PGM5: variants seen among roughly 807,000 people sequenced by gnomAD.
PGM5 encodes phosphoglucomutase-like protein 5.
In PGM5, 23 loss-of-function variants were observed where a neutral mutation model predicts 59.2. That is an observed-to-expected ratio of 0.39 (90% CI 0.28 to 0.55). The LOEUF is 0.55. Among genes scored for constraint, PGM5 ranks in the 20% least tolerant of loss-of-function variants. The probability of loss-of-function intolerance (pLI) is 0.66; values close to 1 mark genes in which losing one functional copy is unlikely to be tolerated. For missense variants in PGM5, 574 were observed against 748.3 expected (o/e 0.77, Z 2.72); for synonymous variants, 214 against 286.0 (o/e 0.75, Z 2.54).
At chr9:68,502,155 C>T (rs1299521081) in intron 10 of PGM5, among the ~76,000 whole-genome samples, 3 of 152,202 alleles carry the variant, frequency 2.0e-5, no homozygotes, top group African/African-American at 7.2e-5. Flanking sequence ...CAGGTTCTTG[C>T]CCTGATCCCA....
At position 68,378,294 on chromosome 9, in the gene PGM5, A is replaced by G; in HGVS notation, c.357A>G (p.Leu119=). ...TCAAGGCAGCTGGTGGAATCATTCT[A>G]ACAGCCAGCCACTGCCCTGGAGGAC... ...RKIKAAGGII[L]TASHCPGGPG... Residue 119 remains leucine, a synonymous_variant, in exon 2 of 11, where the codon CTA becomes CTG. Transcript: ENST00000396396. 1 of 1,598,338 alleles carries G rather than the reference A, an allele frequency of 6.3e-7. No individual in the cohort carries two copies. Among genetic ancestry groups the G allele is most frequent in the Non-Finnish European group, 8.5e-7 (1 of 1,173,676 alleles).
chr9:68,378,022 C>G (rs1323822247), intron 1 of PGM5, among the ~76,000 whole-genome samples, 177 bp from the exon 2 acceptor site: 1 of 151,854 alleles, frequency 6.6e-6, no homozygotes, highest in Non-Finnish European at 1.5e-5. Context: ...GTCTTAGAGA[C>G]ATTAGATAGG....
chr9:68,448,525 T>G (rs2132068270), intron 6 of PGM5, among the ~76,000 whole-genome samples: 1 of 152,344 alleles, frequency 6.6e-6, no homozygotes, highest in African/African-American at 2.4e-5. Context: ...GTTCTCAAAC[T>G]CTTTTTCTGT....
intron 9 of PGM5, among the ~76,000 whole-genome samples, chr9:68,496,158 T>A (rs1824479399): frequency 6.6e-6 from 1 of 152,230 alleles, no homozygotes; most frequent in South Asian, 2.1e-4. Context: ...TCATTGAAAT[T>A]CAGGAACAAT....
At position 68,357,367 on chromosome 9, in the gene PGM5, G is replaced by C; in HGVS notation, c.240G>C (p.Val80=). Residue 80 remains valine (V), a synonymous_variant, in exon 1 of 11, where the codon GTG becomes GTC. Coordinates refer to ENST00000396396, the MANE Select transcript of PGM5 (RefSeq NM_021965.4). ...GCAGGACGGCCATCGAGATCGTGGT[G>C]CAGATGGCCGCGGCCAACGGGGTGA... ...YFSRTAIEIV[V]QMAAANGIGR... 1 of 1,560,104 alleles carries C rather than the reference G, an allele frequency of 6.4e-7. No homozygotes were observed. The highest frequency in any genetic ancestry group is 8.7e-7 in the Non-Finnish European group (1 of 1,155,384).
intron 8 of PGM5, among the ~76,000 whole-genome samples, chr9:68,482,223 A>G (rs188480304): frequency 6.6e-6 from 1 of 151,750 alleles, no homozygotes; most frequent in African/African-American, 2.4e-5. Context: ...ATTTTTTTCA[A>G]CTCCTGAATC....
chr9:68,456,094 G>A (rs558401181), intron 6 of PGM5, among the ~76,000 whole-genome samples: 13 of 152,188 alleles, frequency 8.5e-5, no homozygotes, highest in African/African-American at 2.6e-4. Context: ...ATCTTCTTGT[G>A]CGCGTGTGTT....
chr9:68,516,512 T>A (rs1050983155), intron 10 of PGM5, among the ~76,000 whole-genome samples: 1 of 152,190 alleles, frequency 6.6e-6, no homozygotes, highest in African/African-American at 2.4e-5. Context: ...TTAGGCGAAG[T>A]ACAGAGAGAC....
chr9:68,447,553 A>G (rs565525529), intron 6 of PGM5, among the ~76,000 whole-genome samples: 2 of 152,336 alleles, frequency 1.3e-5, no homozygotes, highest in Admixed American at 6.5e-5. Context: ...AGGTGATAAC[A>G]TCCTTTTATA....
rs372906731 is a variant in PGM5 at position 68,391,637 on chromosome 9, T to A, written c.801T>A (p.Pro267=). ...VPLEDFGGQH[P]DPNLTYATTL... ...TGGAAGACTTTGGAGGGCAGCACCC[T>A]GACCCAAACCTGACATATGCAACGA... The change falls in exon 5 of 11, where the codon CCT becomes CCA. Residue 267 remains proline, a synonymous_variant. Coordinates refer to ENST00000396396, the MANE Select transcript of PGM5 (RefSeq NM_021965.4). 24 of 1,613,300 alleles carry A rather than the reference T, an allele frequency of 1.5e-5. No individual in the cohort carries two copies. The highest frequency in any genetic ancestry group is 1.8e-5 in the Non-Finnish European group (21 of 1,179,498).
intron 6 of PGM5, among the ~76,000 whole-genome samples, chr9:68,404,126 T>TTTGTA: frequency 6.6e-6 from 1 of 152,134 alleles, no homozygotes; most frequent in East Asian, 1.9e-4. Context: ...TAGAGGTTGT[T>TTTGTA]TTGTTTTGTT....
intron 7 of PGM5, among the ~76,000 whole-genome samples, chr9:68,476,795 T>G (rs905916274): frequency 2.1e-4 from 32 of 152,178 alleles, no homozygotes; most frequent in African/African-American, 7.7e-4. Flanking sequence ...TTGAGGTGGG[T>G]TTTTTTGTTT....
intron 6 of PGM5, among the ~76,000 whole-genome samples, chr9:68,451,006 C>T (rs574496906): frequency 5.3e-5 from 8 of 152,102 alleles, no homozygotes; most frequent in East Asian, 1.9e-4. Context: ...CCTTATTGTG[C>T]GAGAAATAAC....
chr9:68,517,218 A>G (rs1046227196), intron 10 of PGM5, among the ~76,000 whole-genome samples: 5 of 152,044 alleles, frequency 3.3e-5, no homozygotes, highest in African/African-American at 9.7e-5. Flanking sequence ...AGTTGAGTCC[A>G]TGCTGAGAGT....
At chr9:68,390,817 G>A (rs1359874890) in intron 4 of PGM5, among the ~76,000 whole-genome samples, 3 of 152,118 alleles carry the variant, frequency 2.0e-5, no homozygotes, top group Admixed American at 6.6e-5. Context: ...GAAGCCTTAT[G>A]TGTGGTTATT....
At chr9:68,414,928 G>A (rs1461061326) in intron 6 of PGM5, among the ~76,000 whole-genome samples, 3 of 147,628 alleles carry the variant, frequency 2.0e-5, no homozygotes, top group Non-Finnish European at 2.9e-5. Context: ...TGAGGTACAT[G>A]AAGAGACTGA....
intron 6 of PGM5, among the ~76,000 whole-genome samples, chr9:68,429,633 G>T (rs755679700): frequency 6.6e-6 from 1 of 152,154 alleles, no homozygotes; most frequent in Non-Finnish European, 1.5e-5. Flanking sequence ...GAATGAAATA[G>T]GGGGTGACAA....
chr9:68,391,432 T>C, intron 4 of PGM5, 102 bp from the exon 5 acceptor site: 1 of 845,646 alleles, frequency 1.2e-6, no homozygotes. Context: ...ATTTATGTTT[T>C]TCTTCTGGGT....
At chr9:68,487,431 C>CTT in intron 9 of PGM5, among the ~76,000 whole-genome samples, 1 of 116,322 alleles carries the variant, frequency 8.6e-6, no homozygotes, top group African/African-American at 4.4e-5. Flanking sequence ...TACAACTATT[C>CTT]TCTCTCTCTC....
Sources: allele counts gnomAD v4.1 joint callset (sites outside exome capture counted in the v4.1 genomes callset), GRCh38; gene constraint gnomAD v4.1.1; transcripts MANE v1.5; gene names NCBI Gene and HGNC (gene_info 2026-07-23, HGNC 2026-07-21).